Variants in INPP4B observed in about 807,000 individuals in gnomAD.
INPP4B encodes inositol polyphosphate-4-phosphatase type II B.
Under a neutral mutation model 122.5 loss-of-function variants are expected in INPP4B, and 55 were observed. The observed-to-expected ratio is 0.45, with a 90% CI of 0.36 to 0.56. The LOEUF is 0.56. Among genes scored for constraint, INPP4B ranks in the 20% least tolerant of loss-of-function variants. The pLI is 0.00. For synonymous variants in INPP4B, 403 were observed against 388.7 expected, an observed-to-expected ratio of 1.04 and a Z score of -0.43; for missense variants, 1,000 against 1,097.7, an observed-to-expected ratio of 0.91 and a Z score of 1.26.
rs78201033 is a variant in INPP4B at position 142,319,064 on chromosome 4, G to A, written c.373-4302C>T. ...TGAGTAGCTGAAAATCAGGCAATGGGGCTGCCTGAAATGCTAGGAGTCTGT... is the reference window on the plus strand; with the variant it reads ...TGAGTAGCTGAAAATCAGGCAATGGAGCTGCCTGAAATGCTAGGAGTCTGT... On this transcript the variant is annotated intron_variant, in intron 7 of 25. Coordinates refer to ENST00000262992, the MANE Select transcript of INPP4B (RefSeq NM_001101669.3). Among the ~76,000 whole-genome samples the A allele has an allele frequency of 1.7e-3, 257 of 152,256 alleles. 1 individual carries two copies. Among genetic ancestry groups the A allele is most frequent in the Non-Finnish European group, 2.7e-3 (185 of 68,014 alleles).
intron 1 of INPP4B, among the ~76,000 whole-genome samples, chr4:142,820,790 C>T (rs991707166): frequency 1.4e-4 from 21 of 152,208 alleles, no homozygotes; most frequent in African/African-American, 5.1e-4. Context: ...GTAACAGTTT[C>T]TCCCTTTGCT....
At chr4:142,287,865 T>C (rs1448904172) in intron 9 of INPP4B, among the ~76,000 whole-genome samples, 1 of 152,184 alleles carries the variant, frequency 6.6e-6, no homozygotes, top group Non-Finnish European at 1.5e-5. Context: ...ACAGACATTT[T>C]TGTTTTCATA....
chr4:142,217,022 G>A (rs1177023461), intron 12 of INPP4B, among the ~76,000 whole-genome samples: 3 of 152,162 alleles, frequency 2.0e-5, no homozygotes, highest in African/African-American at 4.8e-5. Context: ...ATTAGGGCGA[G>A]TAAATGAATA....
At chr4:142,693,706 G>A (rs1403543644) in intron 2 of INPP4B, among the ~76,000 whole-genome samples, 1 of 151,850 alleles carries the variant, frequency 6.6e-6, no homozygotes. Context: ...AACAAGTGAT[G>A]GTACAATATT....
intron 2 of INPP4B, among the ~76,000 whole-genome samples, chr4:142,619,580 G>C (rs1284982129): frequency 1.3e-5 from 2 of 152,022 alleles, no homozygotes; most frequent in East Asian, 1.9e-4. Flanking sequence ...GAACCAGAGA[G>C]TAGAATGGTT....
At chr4:142,634,584 A>T (rs534972101) in intron 2 of INPP4B, among the ~76,000 whole-genome samples, 1 of 152,306 alleles carries the variant, frequency 6.6e-6, no homozygotes, top group South Asian at 2.1e-4. Flanking sequence ...AAGATAAATC[A>T]TATAACTATC....
intron 2 of INPP4B, among the ~76,000 whole-genome samples, chr4:142,700,375 A>G (rs190552512): frequency 6.6e-6 from 1 of 152,338 alleles, no homozygotes; most frequent in African/African-American, 2.4e-5. Flanking sequence ...ATAAATTCAC[A>G]GTACTGAGTT....
intron 5 of INPP4B, among the ~76,000 whole-genome samples, chr4:142,424,114 C>A (rs995517628): frequency 4.6e-5 from 7 of 151,972 alleles, no homozygotes; most frequent in Non-Finnish European, 7.4e-5. Context: ...TTATTCTAAT[C>A]CTGTTTCCTT....
intron 2 of INPP4B, among the ~76,000 whole-genome samples, chr4:142,509,108 GAGT>G (rs1168595417): frequency 6.6e-6 from 1 of 152,206 alleles, no homozygotes; most frequent in African/African-American, 2.4e-5. Flanking sequence ...ACAATTTACA[GAGT>G]ATCAAATGAT....
chr4:142,331,636 C>A (rs919544412), intron 7 of INPP4B, among the ~76,000 whole-genome samples: 1 of 152,128 alleles, frequency 6.6e-6, no homozygotes, highest in African/African-American at 2.4e-5. Context: ...ACTATCTATT[C>A]GATCAGATTC....
chr4:142,253,954 T>G (rs1327630103), intron 11 of INPP4B, among the ~76,000 whole-genome samples: 5 of 152,212 alleles, frequency 3.3e-5, no homozygotes, highest in Non-Finnish European at 7.3e-5. Flanking sequence ...TAAATGTCCC[T>G]GTCTGACAGC....
intron 2 of INPP4B, among the ~76,000 whole-genome samples, chr4:142,670,519 A>T (rs114784322): frequency 6.6e-6 from 1 of 152,148 alleles, no homozygotes; most frequent in Non-Finnish European, 1.5e-5. Flanking sequence ...ACCAGAAGGA[A>T]ATTATGTTAA....
chr4:142,231,337 C>T (rs1003702702), intron 12 of INPP4B, among the ~76,000 whole-genome samples: 8 of 152,160 alleles, frequency 5.3e-5, no homozygotes, highest in Admixed American at 6.6e-5. Context: ...TATGTGTATG[C>T]TTTACACAAA....
intron 2 of INPP4B, among the ~76,000 whole-genome samples, chr4:142,522,027 C>T (rs1826145512): frequency 6.6e-6 from 1 of 152,110 alleles, no homozygotes; most frequent in Admixed American, 6.6e-5. Context: ...CTTGCCCTGT[C>T]ACTTGACTGG....
At chr4:142,504,977 G>A (rs1051853947) in intron 2 of INPP4B, among the ~76,000 whole-genome samples, 78 of 152,128 alleles carry the variant, frequency 5.1e-4, no homozygotes, top group African/African-American at 1.7e-3. Context: ...GAAGAAATAG[G>A]AAAAATACTG....
chr4:142,033,365 A>G (rs1203099950), intron 25 of INPP4B, among the ~76,000 whole-genome samples: 1 of 152,132 alleles, frequency 6.6e-6, no homozygotes, highest in Non-Finnish European at 1.5e-5. Flanking sequence ...GGTCATTTCC[A>G]GCAGCAGAGG....
rs1296220384 is a variant in INPP4B, at chr4:142,160,346, C to T, written c.1563+12G>A. The T allele has an allele frequency of 2.7e-6, 4 of 1,462,920 alleles. No individual in the cohort carries two copies. Among genetic ancestry groups the T allele is most frequent in the African/African-American group, 1.4e-5 (1 of 72,452 alleles). The allele number at this position is 1,462,920 out of a possible 1,614,324, so 90.6% of individuals were successfully genotyped here. ...CAAACATTGAGAGGCAAGCGATATA[C>T]AAGAGACTTACCCACTCTTCCTCAT... On this transcript the variant is annotated intron_variant, in intron 17 of 25. Transcript: ENST00000262992.
At chr4:142,824,312 CTA>C (rs1270272725) in intron 1 of INPP4B, among the ~76,000 whole-genome samples, 7 of 119,212 alleles carry the variant, frequency 5.9e-5, no homozygotes, top group African/African-American at 2.7e-4. Context: ...ATCTGTCTAT[CTA>C]TCTATCTCTA....
At chr4:142,353,356 G>A (rs951485187) in intron 7 of INPP4B, among the ~76,000 whole-genome samples, 1 of 152,012 alleles carries the variant, frequency 6.6e-6, no homozygotes, top group African/African-American at 2.4e-5. Context: ...TAAATGCTAA[G>A]TCAAGAAAAG....
Sources: allele counts gnomAD v4.1 joint callset (sites outside exome capture counted in the v4.1 genomes callset), GRCh38; gene constraint gnomAD v4.1.1; transcripts MANE v1.5; gene names NCBI Gene and HGNC (gene_info 2026-07-23, HGNC 2026-07-21).